The following SUFU variants were observed in gnomAD, a reference collection of about 807,000 sequenced individuals.
The protein encoded by SUFU is SUFU negative regulator of hedgehog signaling, also known as suppressor of fused homolog.
Under a neutral mutation model 58.9 loss-of-function variants are expected in SUFU, and 7 were observed. The ratio of observed to expected loss-of-function variants is 0.12; its 90% CI spans 0.07 to 0.22. The LOEUF is 0.22. SUFU is among the 10% of genes least tolerant of loss of function. The probability of loss-of-function intolerance (pLI) is 1.00; values close to 1 mark genes in which losing one functional copy is unlikely to be tolerated. For missense variants in SUFU, 451 were observed against 641.3 expected (o/e 0.70, Z 3.20); for synonymous variants, 232 against 254.8 (o/e 0.91, Z 0.85).
chr10:102,573,400 T>A (rs1353887882), intron 3 of SUFU, among the ~76,000 whole-genome samples: 1 of 152,236 alleles, frequency 6.6e-6, no homozygotes, highest in Non-Finnish European at 1.5e-5. Flanking sequence ...TGTAAAATGG[T>A]GCAGCTGCTG....
chr10:102,597,067 T>G, intron 6 of SUFU, 73 bp from the exon 7 acceptor site: 1 of 1,570,064 alleles, frequency 6.4e-7, no homozygotes, highest in East Asian at 2.2e-5. Context: ...GTAAGAGCAG[T>G]GGCTGAAAGG....
At chr10:102,535,492 A>AG (rs2062727257) in intron 2 of SUFU, among the ~76,000 whole-genome samples, 1 of 151,868 alleles carries the variant, frequency 6.6e-6, no homozygotes, top group African/African-American at 2.4e-5. Flanking sequence ...CTCAAAAAAA[A>AG]AAAAAAGAGA....
In SUFU at chr10:102,509,075, A is replaced by G. The variant is rs957174938; in HGVS notation, c.183-94A>G. On this transcript the variant is annotated intron_variant, in intron 1 of 11. Transcript: ENST00000369902. ...TACCTTTCACCCAGGTTCCTCCAGG[A>G]TGGGTCCTTTAGGTTTACAAAGTAG... 5.1e-6 allele frequency: 8 copies of G among 1,569,932 alleles called. No homozygotes were observed. The African/African-American group carries it at 1.1e-4, about 21-fold the overall frequency.
chr10:102,572,392 C>CT (rs36034579), intron 3 of SUFU, among the ~76,000 whole-genome samples: 58,065 of 130,206 alleles, frequency 0.45, 13,389 homozygotes, highest in East Asian at 0.66. Flanking sequence ...CTTTTTCTTT[C>CT]TTTTTTTTTT....
At chr10:102,598,456 A>G (rs768276906) in intron 7 of SUFU, among the ~76,000 whole-genome samples, 1 of 152,100 alleles carries the variant, frequency 6.6e-6, no homozygotes, top group Non-Finnish European at 1.5e-5. Context: ...GCACCCGGCC[A>G]AGCCCTTTCT....
intron 3 of SUFU, among the ~76,000 whole-genome samples, chr10:102,582,944 C>T (rs1261581028): frequency 6.6e-6 from 1 of 152,144 alleles, no homozygotes; most frequent in East Asian, 1.9e-4. Context: ...AATGAGGATA[C>T]CTTGGGGAGC....
intron 1 of SUFU, among the ~76,000 whole-genome samples, chr10:102,507,152 C>CTCTT (rs2062337787): frequency 6.6e-6 from 1 of 152,204 alleles, no homozygotes; most frequent in South Asian, 2.1e-4. Flanking sequence ...TTTTATCTGA[C>CTCTT]TCTTGGTAGT....
chr10:102,536,432 C>T lies in SUFU; in HGVS notation c.318-13538C>T, dbSNP rs554583633. ...AGGCTGGAGTGCAGTGGTGCAATCT[C>T]GGCGCACTGCAACCTCCGCCTCCCG... is the stretch of plus-strand genomic sequence containing the variant. On this transcript the variant is annotated intron_variant, in intron 2 of 11. Coordinates refer to ENST00000369902, the MANE Select transcript of SUFU (RefSeq NM_016169.4). Among the ~76,000 whole-genome samples, 40 of 146,044 alleles carry T rather than the reference C, an allele frequency of 2.7e-4. No homozygotes were observed. In the South Asian group the frequency reaches 5.0e-3, roughly 18 times the overall value.
chr10:102,626,337 T>C lies in SUFU; in HGVS notation c.1297-838T>C, dbSNP rs149754618. 1.0e-2 allele frequency among the ~76,000 whole-genome samples: 1,519 copies of C among 152,278 alleles called. 13 individuals are homozygous for C. The highest frequency in any genetic ancestry group is 0.017 in the Non-Finnish European group (1,138 of 68,016). Reference sequence around the variant, plus strand: ...CCGGTTTTAGAGGGCCTGAGAGCCCTTGGACGTTGGTATTGGCTGTGAAAA... The same window carrying C: ...CCGGTTTTAGAGGGCCTGAGAGCCCCTGGACGTTGGTATTGGCTGTGAAAA... On this transcript the variant is annotated intron_variant, in intron 10 of 11. Transcript: ENST00000369902.
intron 2 of SUFU, among the ~76,000 whole-genome samples, chr10:102,520,440 G>A (rs545144184): frequency 2.6e-5 from 4 of 151,332 alleles, no homozygotes; most frequent in African/African-American, 4.9e-5. Flanking sequence ...GGCTGGTCTC[G>A]AACTCCTGAC....
At chr10:102,570,995 A>C (rs541418599) in intron 3 of SUFU, among the ~76,000 whole-genome samples, 26 of 152,278 alleles carry the variant, frequency 1.7e-4, no homozygotes, top group East Asian at 3.9e-4. Flanking sequence ...TAAAAAAAAA[A>C]CCAAAACCTT....
chr10:102,536,735 C>T (rs1412042678), intron 2 of SUFU, among the ~76,000 whole-genome samples: 2 of 152,094 alleles, frequency 1.3e-5, no homozygotes, highest in Admixed American at 6.6e-5. Context: ...TTGAATCATA[C>T]TTTATGTTGA....
At chr10:102,577,316 T>C (rs2063222862) in intron 3 of SUFU, among the ~76,000 whole-genome samples, 1 of 152,066 alleles carries the variant, frequency 6.6e-6, no homozygotes, top group South Asian at 2.1e-4. Context: ...ATTTTAAAGC[T>C]TCAAAGGATT....
intron 2 of SUFU, among the ~76,000 whole-genome samples, chr10:102,549,015 T>G (rs2062882016): frequency 6.6e-6 from 1 of 152,072 alleles, no homozygotes; most frequent in Non-Finnish European, 1.5e-5. Flanking sequence ...GAGGAGTGTG[T>G]GTTGGGTGCT....
chr10:102,534,438 A>T (rs767840831), intron 2 of SUFU, among the ~76,000 whole-genome samples: 5 of 152,160 alleles, frequency 3.3e-5, no homozygotes, highest in Admixed American at 6.6e-5. Context: ...AAAAAAAAGA[A>T]AGTGGAACTC....
chr10:102,605,677 G>A (rs1329716236), intron 8 of SUFU, among the ~76,000 whole-genome samples: 1 of 152,096 alleles, frequency 6.6e-6, no homozygotes, highest in Non-Finnish European at 1.5e-5. Context: ...CGATCCCACA[G>A]CCACACCCTT....
intron 1 of SUFU, among the ~76,000 whole-genome samples, chr10:102,505,652 C>T (rs1385159596): frequency 2.6e-5 from 4 of 152,154 alleles, no homozygotes; most frequent in African/African-American, 4.8e-5. Flanking sequence ...AGGCCAACAG[C>T]GTGGAGAGCC....
chr10:102,529,761 A>G (rs2062654922), intron 2 of SUFU, among the ~76,000 whole-genome samples: 2 of 152,092 alleles, frequency 1.3e-5, no homozygotes, highest in African/African-American at 4.8e-5. Flanking sequence ...CCTGGCCAAC[A>G]TGGTGAAACC....
chr10:102,529,007 C>CT (rs71016390), intron 2 of SUFU, among the ~76,000 whole-genome samples: 2 of 145,978 alleles, frequency 1.4e-5, no homozygotes, highest in Non-Finnish European at 1.5e-5. Context: ...TTAAATATAA[C>CT]GAGATTTATG....
Sources: allele counts gnomAD v4.1 joint callset (sites outside exome capture counted in the v4.1 genomes callset), GRCh38; gene constraint gnomAD v4.1.1; transcripts MANE v1.5; gene names NCBI Gene and HGNC (gene_info 2026-07-23, HGNC 2026-07-21).